MTREX: variants seen among roughly 807,000 people sequenced by gnomAD.
MTREX encodes the protein exosome RNA helicase MTR4.
MTREX carries 76 observed loss-of-function variants against 135.4 expected under a neutral mutation model. That is an observed-to-expected ratio of 0.56 (90% CI 0.47 to 0.68). The LOEUF (loss-of-function observed/expected upper bound fraction) is 0.68, where lower values mean the gene tolerates loss of function less well. MTREX is among the 30% of genes least tolerant of loss of function. The pLI, the probability that MTREX is intolerant of heterozygous loss-of-function variation, is 0.00. For synonymous variants in MTREX, 404 were observed against 401.6 expected, an observed-to-expected ratio of 1.01 and a Z score of -0.07; for missense variants, 920 against 1,262.1, an observed-to-expected ratio of 0.73 and a Z score of 4.11.
chr5:55,422,809 C>G, intron 25 of MTREX, 69 bp from the exon 26 acceptor site: 2 of 1,243,938 alleles, frequency 1.6e-6, no homozygotes, highest in Middle Eastern at 2.1e-4. Flanking sequence ...CCTGCCTTGC[C>G]TCTTAACAAA....
chr5:55,392,482 G>A (rs1181521501), intron 19 of MTREX, among the ~76,000 whole-genome samples: 2 of 148,896 alleles, frequency 1.3e-5, no homozygotes, highest in African/African-American at 5.0e-5. Context: ...GGTAGAGGTT[G>A]CAGTGAGCCA....
At chr5:55,310,892 C>A (rs1341693648) in intron 1 of MTREX, among the ~76,000 whole-genome samples, 1 of 152,134 alleles carries the variant, frequency 6.6e-6, no homozygotes. Flanking sequence ...TTCCTCCCAC[C>A]TCAGCCTCCT....
At chr5:55,328,922 A>G in intron 5 of MTREX, 111 bp downstream of exon 5, 1 of 591,854 alleles carries the variant, frequency 1.7e-6, no homozygotes, top group Non-Finnish European at 2.9e-6. Flanking sequence ...TCCCTTTTGA[A>G]CAATTTCTTT....
intron 12 of MTREX, among the ~76,000 whole-genome samples, chr5:55,349,995 AT>A (rs1749801576): frequency 6.6e-6 from 1 of 152,218 alleles, no homozygotes; most frequent in South Asian, 2.1e-4. Context: ...ACTGAAAATC[AT>A]GTGTTTAGTG....
At chr5:55,359,139 T>C (rs1431700977) in intron 15 of MTREX, among the ~76,000 whole-genome samples, 2 of 152,238 alleles carry the variant, frequency 1.3e-5, no homozygotes, top group Non-Finnish European at 2.9e-5. Context: ...GTTTACACTT[T>C]ACCCTATTGA....
chr5:55,329,195 C>T (rs1749428943), intron 5 of MTREX, among the ~76,000 whole-genome samples: 1 of 150,180 alleles, frequency 6.7e-6, no homozygotes, highest in South Asian at 2.1e-4. Flanking sequence ...GCTTTTTTTG[C>T]ATCTATTGAC....
At chr5:55,381,352 G>A (rs528681392) in intron 18 of MTREX, among the ~76,000 whole-genome samples, 23 of 152,172 alleles carry the variant, frequency 1.5e-4, no homozygotes, top group African/African-American at 5.5e-4. Context: ...ATTAACTTGA[G>A]ATACCTCTTC....
intron 5 of MTREX, among the ~76,000 whole-genome samples, chr5:55,336,195 A>G (rs979150454): frequency 1.3e-5 from 2 of 152,148 alleles, no homozygotes; most frequent in Non-Finnish European, 2.9e-5. Flanking sequence ...GTGAAAAAAG[A>G]TGGTTTTACT....
chr5:55,382,397 A>T (rs17683884), intron 18 of MTREX, among the ~76,000 whole-genome samples: 3 of 151,984 alleles, frequency 2.0e-5, no homozygotes, highest in African/African-American at 7.3e-5. Flanking sequence ...GGGGCTTTCC[A>T]TATACGTATT....
rs1749654866 is a variant in MTREX, at chr5:55,341,889, CTGT to C, written c.781+123_781+125del. 4 of 524,156 alleles carry C rather than the reference CTGT, an allele frequency of 7.6e-6. No homozygotes were observed. In the Admixed American group the frequency reaches 1.2e-4, roughly 15 times the overall value. The allele number at this position is 524,156 out of a possible 1,614,324, so 32.5% of individuals were successfully genotyped here. On this transcript the variant is annotated intron_variant, in intron 7 of 26. Transcript: ENST00000230640. Reference sequence around the variant, plus strand: ...TTTGTGTGGCTAGGGTTCTAATAAACTGTTGTTTCTTTATTTTTATTTACCTAT... The same window carrying C: ...TTTGTGTGGCTAGGGTTCTAATAAACTGTTTCTTTATTTTTATTTACCTAT...
chr5:55,386,663 T>C (rs1395468094), intron 18 of MTREX, among the ~76,000 whole-genome samples: 8 of 152,278 alleles, frequency 5.3e-5, no homozygotes, highest in African/African-American at 1.4e-4. Flanking sequence ...GTGATTGTTA[T>C]ATCTTACAGA....
At chr5:55,414,713 G>A (rs2111620485) in intron 24 of MTREX, among the ~76,000 whole-genome samples, 1 of 152,258 alleles carries the variant, frequency 6.6e-6, no homozygotes, top group East Asian at 1.9e-4. Flanking sequence ...GCAGTGGCGT[G>A]ATCTGGGCTC....
At chr5:55,353,570 A>G (rs1475223849) in intron 14 of MTREX, among the ~76,000 whole-genome samples, 1 of 152,140 alleles carries the variant, frequency 6.6e-6, no homozygotes, top group Non-Finnish European at 1.5e-5. Context: ...GGGAGTGGTG[A>G]TGTGCACCTG....
At chr5:55,347,399 A>G (rs10043447) in intron 11 of MTREX, among the ~76,000 whole-genome samples, 21,276 of 152,056 alleles carry the variant, frequency 0.14, 1,871 homozygotes, top group East Asian at 0.26. Context: ...TATTAGAATC[A>G]TGCCTTCTTA....
chr5:55,340,238 C>CTA, intron 6 of MTREX, 54 bp downstream of exon 6: 1 of 1,355,050 alleles, frequency 7.4e-7, no homozygotes, highest in South Asian at 1.8e-5. Context: ...ATTAATGTGA[C>CTA]TATTCAGTTA....
At chr5:55,329,757 G>A (rs1749440239) in intron 5 of MTREX, among the ~76,000 whole-genome samples, 1 of 152,012 alleles carries the variant, frequency 6.6e-6, no homozygotes, top group African/African-American at 2.4e-5. Flanking sequence ...TTGATACTCT[G>A]TACATAATGT....
intron 1 of MTREX, among the ~76,000 whole-genome samples, chr5:55,316,526 CA>C (rs749256978): frequency 6.6e-6 from 1 of 152,020 alleles, no homozygotes; most frequent in African/African-American, 2.4e-5. Flanking sequence ...GAACTAAAGA[CA>C]AAAAACCACA....
chr5:55,410,714 C>G, intron 23 of MTREX, 85 bp downstream of exon 23: 20 of 662,024 alleles, frequency 3.0e-5, no homozygotes, highest in Non-Finnish European at 4.7e-5. Flanking sequence ...TCAAATATTA[C>G]TAATATTTAC....
At position 55,308,804 on chromosome 5, in the gene MTREX, T is replaced by C. The variant is rs569195809; in HGVS notation, c.134+657T>C. Among the ~76,000 whole-genome samples, 141 of 152,316 alleles carry C rather than the reference T, an allele frequency of 9.3e-4. 1 individual carries two copies. The highest frequency in any genetic ancestry group is 1.9e-3 in the Non-Finnish European group (127 of 68,016). On this transcript the variant is annotated intron_variant, in intron 1 of 26. Transcript: ENST00000230640. Reference sequence around the variant, plus strand: ...ACCAGAAAGTGTACAGATCTGTTTATAGTAGAACAAGGAAAAGCTATTACT... The same window carrying C: ...ACCAGAAAGTGTACAGATCTGTTTACAGTAGAACAAGGAAAAGCTATTACT...
Sources: allele counts gnomAD v4.1 joint callset (sites outside exome capture counted in the v4.1 genomes callset), GRCh38; gene constraint gnomAD v4.1.1; transcripts MANE v1.5; gene names NCBI Gene and HGNC (gene_info 2026-07-23, HGNC 2026-07-21).